Variants in BLM observed in about 807,000 individuals in gnomAD.
BLM encodes BLM RecQ like helicase.
A neutral mutation model predicts 135.3 loss-of-function variants in BLM; 95 were observed. That is an observed-to-expected ratio of 0.70 (90% CI 0.59 to 0.83). BLM has a LOEUF of 0.83. Ranked by LOEUF, BLM falls within the 40% of genes least tolerant of loss-of-function variation. The probability of loss-of-function intolerance (pLI) is 0.00; values close to 1 mark genes in which losing one functional copy is unlikely to be tolerated. For missense variants in BLM, 1,518 were observed against 1,663.9 expected, an observed-to-expected ratio of 0.91 and a Z score of 1.53; for synonymous variants, 520 against 589.2, an observed-to-expected ratio of 0.88 and a Z score of 1.70.
chr15:90,724,590 A>C (rs1260592751), intron 1 of BLM, among the ~76,000 whole-genome samples: 1 of 152,136 alleles, frequency 6.6e-6, no homozygotes, highest in African/African-American at 2.4e-5. Flanking sequence ...TTCAGACTAC[A>C]AGCACAAGTG....
intron 1 of BLM, among the ~76,000 whole-genome samples, chr15:90,720,846 G>A (rs1894746222): frequency 2.6e-5 from 4 of 152,192 alleles, no homozygotes; most frequent in African/African-American, 7.2e-5. Flanking sequence ...TGCCCACGGA[G>A]TGCTGGGACT....
intron 5 of BLM, among the ~76,000 whole-genome samples, chr15:90,758,657 G>A (rs536403558): frequency 3.3e-5 from 5 of 152,046 alleles, no homozygotes; most frequent in South Asian, 2.1e-4. Context: ...CCATCTCTCC[G>A]GGTCAAACCT....
intron 1 of BLM, among the ~76,000 whole-genome samples, chr15:90,723,205 C>T (rs1894815336): frequency 6.6e-6 from 1 of 152,034 alleles, no homozygotes; most frequent in African/African-American, 2.4e-5. Context: ...ATCTATACAT[C>T]TATAAATAAT....
chr15:90,800,429 T>A (rs1433274261), intron 17 of BLM, among the ~76,000 whole-genome samples: 2 of 152,176 alleles, frequency 1.3e-5, no homozygotes, highest in African/African-American at 2.4e-5. Flanking sequence ...ACGCCTGTAA[T>A]CCCAGCACTT....
chr15:90,791,214 G>A (rs1005964275), intron 15 of BLM, among the ~76,000 whole-genome samples: 1 of 152,094 alleles, frequency 6.6e-6, no homozygotes, highest in African/African-American at 2.4e-5. Context: ...AGAAAATAAT[G>A]AGCTGTCATA....
At chr15:90,755,860 C>T (rs1238864682) in intron 5 of BLM, among the ~76,000 whole-genome samples, 3 of 152,084 alleles carry the variant, frequency 2.0e-5, no homozygotes, top group South Asian at 2.1e-4. Flanking sequence ...ATATCTCTGT[C>T]GTGCATTCGA....
rs1060500652 is a variant in BLM at position 90,765,412 on chromosome 15, GATGTAAGTT to G, written c.2193+1_2193+9del. On this transcript the variant is annotated splice_donor_variant and splice_donor_5th_base_variant and coding_sequence_variant and intron_variant, in exon 9 of 22. Transcript: ENST00000355112. LOFTEE classifies it high-confidence loss of function. ...TCAAGTCCAAAAGCTGACTTCCTTG[GATGTAAGTT>G]ATAAAAATACTAATAAAAACACGCC... The G allele has an allele frequency of 1.4e-5, 22 of 1,586,752 alleles. No homozygotes were observed. Among genetic ancestry groups the G allele is most frequent in the Non-Finnish European group, 1.8e-5 (21 of 1,155,760 alleles).
intron 1 of BLM, among the ~76,000 whole-genome samples, chr15:90,736,361 C>G (rs151309058): frequency 2.0e-3 from 305 of 152,188 alleles, no homozygotes; most frequent in African/African-American, 7.0e-3. Context: ...CTCCCAGGCT[C>G]AATTGATCCC....
intron 3 of BLM, 63 bp downstream of exon 3, chr15:90,750,130 T>C: frequency 6.6e-7 from 1 of 1,526,654 alleles, no homozygotes; most frequent in Non-Finnish European, 9.0e-7. Context: ...AAGCTAGCCA[T>C]TGGGAATAGT....
intron 12 of BLM, among the ~76,000 whole-genome samples, chr15:90,781,581 G>A (rs1225569484): frequency 6.6e-6 from 1 of 152,080 alleles, no homozygotes; most frequent in Non-Finnish European, 1.5e-5. Flanking sequence ...AGCCAAGATC[G>A]CACCCTTGCA....
chr15:90,757,357 A>G (rs1895846257), intron 5 of BLM, among the ~76,000 whole-genome samples: 1 of 152,170 alleles, frequency 6.6e-6, no homozygotes. Context: ...ACTCTGAGGT[A>G]TAATCTGTCT....
At chr15:90,799,624 T>G (rs1596264510) in intron 17 of BLM, among the ~76,000 whole-genome samples, 6 of 72,188 alleles carry the variant, frequency 8.3e-5, no homozygotes, top group African/African-American at 3.3e-4. Flanking sequence ...ATAAGATGCC[T>G]GTAAAAAAAA....
chr15:90,808,838 G>C (rs1385540359), intron 19 of BLM: 1 of 471,460 alleles, frequency 2.1e-6, no homozygotes, highest in East Asian at 4.1e-5. Context: ...GGCAAGAGCA[G>C]ATCTGCTCCA....
chr15:90,785,252 C>A (rs1458053394), intron 14 of BLM, among the ~76,000 whole-genome samples, 171 bp downstream of exon 14: 1 of 152,058 alleles, frequency 6.6e-6, no homozygotes, highest in Admixed American at 6.5e-5. Flanking sequence ...CTTTTTCTTT[C>A]ATAAAAAAAA....
Position 90,809,165 on chromosome 15 carries a change from G to T in BLM, c.3780G>T (p.Leu1260Phe). 1 of 1,614,144 alleles carries T rather than the reference G, an allele frequency of 6.2e-7. No homozygotes were observed. The highest frequency in any genetic ancestry group is 8.5e-7 in the Non-Finnish European group (1 of 1,179,996). ...CTTTATCTTCTGATCCTGAGGTTTT[G>T]CTTCAAATTGATGGTGTTACTGAAG... ...AESLSSDPEV[L>F]LQIDGVTEDK... Residue 1260 changes from leucine (L) to phenylalanine (F), a missense_variant, in exon 20 of 22, where the codon TTG (leucine) becomes TTT (phenylalanine). Around this residue, in one of 5 missense-constraint regions of BLM, gnomAD observed 626 missense variants for 681.1 expected, o/e 0.92. Coordinates refer to ENST00000355112, the MANE Select transcript of BLM (RefSeq NM_000057.4).
At chr15:90,782,681 C>T (rs1311521266) in intron 12 of BLM, 141 bp from the exon 13 acceptor site, 1 of 658,964 alleles carries the variant, frequency 1.5e-6, no homozygotes, top group Non-Finnish European at 2.7e-6. Flanking sequence ...CCCTCATGAC[C>T]TAATTATCTC....
intron 19 of BLM, among the ~76,000 whole-genome samples, chr15:90,807,868 C>A (rs949051586): frequency 3.3e-5 from 5 of 152,172 alleles, no homozygotes; most frequent in African/African-American, 1.2e-4. Context: ...ACTTTGTTGA[C>A]ATGCTGACAG....
intron 12 of BLM, among the ~76,000 whole-genome samples, chr15:90,781,874 C>T (rs1226827965): frequency 1.3e-5 from 2 of 152,190 alleles, no homozygotes; most frequent in African/African-American, 4.8e-5. Context: ...AAATAATGTT[C>T]TAACCATCTC....
intron 1 of BLM, among the ~76,000 whole-genome samples, chr15:90,745,705 C>G (rs1275577392): frequency 6.6e-6 from 1 of 152,194 alleles, no homozygotes; most frequent in African/African-American, 2.4e-5. Flanking sequence ...GCCACTGCTG[C>G]CAGCCACGTG....
Sources: allele counts gnomAD v4.1 joint callset (sites outside exome capture counted in the v4.1 genomes callset), GRCh38; gene constraint gnomAD v4.1.1; regional missense constraint gnomAD v4.1.1; transcripts MANE v1.5; gene names NCBI Gene and HGNC (gene_info 2026-07-23, HGNC 2026-07-21).